The following VCPKMT variants were observed in gnomAD, a reference collection of about 807,000 sequenced individuals.
VCPKMT encodes the protein valosin containing protein lysine methyltransferase.
A neutral mutation model predicts 28.6 loss-of-function variants in VCPKMT; 32 were observed. The ratio of observed to expected loss-of-function variants is 1.12; its 90% CI spans 0.84 to 1.50. VCPKMT has a LOEUF of 1.50. Ranked by LOEUF, VCPKMT falls within the 40% of genes most tolerant of loss-of-function variation. VCPKMT has a pLI of 0.00. For synonymous variants in VCPKMT, 138 were observed against 111.4 expected, an observed-to-expected ratio of 1.24 and a Z score of -1.50; for missense variants, 366 against 285.0, an observed-to-expected ratio of 1.28 and a Z score of -2.05.
Position 50,109,482 on chromosome 14 carries a change from T to C in VCPKMT, c.*217A>G. On this transcript the variant is annotated 3_prime_UTR_variant, in exon 6 of 6. Coordinates refer to ENST00000395860, the MANE Select transcript of VCPKMT (RefSeq NM_024558.3). Reference sequence around the variant, plus strand: ...GAACTTGATGCTGAACTAAGTAACCTAAGCTGGATTCAGGGCCATTGGCAG... The same window carrying C: ...GAACTTGATGCTGAACTAAGTAACCCAAGCTGGATTCAGGGCCATTGGCAG... 1 of 1,280,836 alleles carries C rather than the reference T, an allele frequency of 7.8e-7. No individual in the cohort carries two copies. The highest frequency in any genetic ancestry group is 3.0e-4 in the Middle Eastern group (1 of 3,378). 79.3% of individuals were successfully genotyped at this position (1,280,836 alleles called of 1,614,324 possible). A position where few individuals can be genotyped will look rare whatever the true frequency, so the allele number is the denominator to read the frequency against.
intron 3 of VCPKMT, among the ~76,000 whole-genome samples, chr14:50,114,683 C>A (rs1882979637): frequency 6.6e-6 from 1 of 152,084 alleles, no homozygotes; most frequent in African/African-American, 2.4e-5. Context: ...CCCGCAACAC[C>A]TTACAAAAAA....
At chr14:50,110,497 C>T (rs920435107) in intron 5 of VCPKMT, among the ~76,000 whole-genome samples, 1 of 152,070 alleles carries the variant, frequency 6.6e-6, no homozygotes, top group Non-Finnish European at 1.5e-5. Context: ...GAAATGAAAA[C>T]CACAGTTTAG....
the VCPKMT span, among the ~76,000 whole-genome samples, chr14:50,102,721 TACAA>T: frequency 6.6e-6 from 1 of 152,258 alleles, no homozygotes; most frequent in Non-Finnish European, 1.5e-5. Context: ...CCAGATCTTT[TACAA>T]ACATTTTAAT....
chr14:50,112,442 CCAAGG>C (rs1047941984), intron 5 of VCPKMT, among the ~76,000 whole-genome samples, 168 bp downstream of exon 5: 2 of 142,040 alleles, frequency 1.4e-5, no homozygotes, highest in African/African-American at 5.2e-5. Context: ...GAGCAAAAAC[CCAAGG>C]CAAGATAGAT....
At chr14:50,114,788 TAC>T (rs547210405) in intron 3 of VCPKMT, among the ~76,000 whole-genome samples, 6 of 152,326 alleles carry the variant, frequency 3.9e-5, no homozygotes, top group African/African-American at 1.4e-4. Context: ...AGCTCGAGGT[TAC>T]AGTGAGCTAT....
At chr14:50,109,750 T>C (rs1882515251) in intron 5 of VCPKMT, 37 bp from the exon 6 acceptor site, 1 of 1,583,240 alleles carries the variant, frequency 6.3e-7, no homozygotes, top group Non-Finnish European at 8.6e-7. Flanking sequence ...AAGATTGATT[T>C]ACCACAAACT....
chr14:50,116,299 G>A lies in VCPKMT; in HGVS notation c.254C>T (p.Ala85Val). ...CGCCAGCTCTTACCCGAGGGTAGCA[G>A]CCATGAGCCCCACGGCCCCGGTGCC... Reference protein sequence around the residue: ...GSGTGAVGLMAATLGADVVVT... With the variant: ...GSGTGAVGLMVATLGADVVVT... The change falls in exon 1 of 6, where the codon GCT becomes GTT. Residue 85 changes from alanine (A) to valine (V), a missense_variant. Physicochemically the swap from Ala to Val is moderately conservative, Grantham distance 64 (BLOSUM62 0). Coordinates refer to ENST00000395860, the MANE Select transcript of VCPKMT (RefSeq NM_024558.3). 1 of 1,606,998 alleles carries A rather than the reference G, an allele frequency of 6.2e-7. No individual in the cohort carries two copies. Among genetic ancestry groups the A allele is most frequent in the South Asian group, 1.1e-5 (1 of 90,490 alleles).
In VCPKMT at chr14:50,108,920, T is replaced by C; in HGVS notation, c.*779A>G. 1 of 985,466 alleles carries C rather than the reference T, an allele frequency of 1.0e-6. No individual in the cohort carries two copies. Among genetic ancestry groups the C allele is most frequent in the Non-Finnish European group, 1.2e-6 (1 of 829,932 alleles). The allele number at this position is 985,466 out of a possible 1,614,324, so 61.0% of individuals were successfully genotyped here. Reference sequence around the variant, plus strand: ...TTTTAAGCCAGATTTTCCTGGAACATATACATAAAGTGCATGAGCCACGTA... The same window carrying C: ...TTTTAAGCCAGATTTTCCTGGAACACATACATAAAGTGCATGAGCCACGTA... On this transcript the variant is annotated 3_prime_UTR_variant, in exon 6 of 6. Transcript: ENST00000395860.
intron 3 of VCPKMT, among the ~76,000 whole-genome samples, chr14:50,115,420 G>C (rs1488042090): frequency 6.6e-6 from 1 of 152,046 alleles, no homozygotes; most frequent in East Asian, 1.9e-4. Flanking sequence ...CCAAGTGTTG[G>C]GATTACAGGC....
intron 4 of VCPKMT, 45 bp downstream of exon 4, chr14:50,114,240 C>CA: frequency 6.9e-7 from 1 of 1,449,242 alleles, no homozygotes; most frequent in Non-Finnish European, 9.1e-7. Context: ...TACAGCCCCC[C>CA]TGAAGGGAAA....
chr14:50,111,229 T>C, intron 5 of VCPKMT: 1 of 985,138 alleles, frequency 1.0e-6, no homozygotes, highest in Non-Finnish European at 1.2e-6. Context: ...AAAATCTTTC[T>C]GCCTCCAAAA....
chr14:50,113,801 G>GA (rs1374469908), intron 4 of VCPKMT, among the ~76,000 whole-genome samples: 1 of 91,810 alleles, frequency 1.1e-5, no homozygotes, highest in African/African-American at 4.0e-5. Flanking sequence ...GGGCGGGGGG[G>GA]GGGGGGGGTG....
At chr14:50,106,131 G>A (rs1011758272), downstream of VCPKMT, among the ~76,000 whole-genome samples, 1 of 152,092 alleles carries the variant, frequency 6.6e-6, no homozygotes. Flanking sequence ...CTCAATTTAA[G>A]GCAAACATTA....
At position 50,116,455 on chromosome 14, in the gene VCPKMT, T is replaced by C. The variant is rs1327529889; in HGVS notation, c.98A>G (p.Tyr33Cys). The C allele has an allele frequency of 3.1e-6, 5 of 1,614,062 alleles. No individual in the cohort carries two copies. In the Middle Eastern group the frequency reaches 4.9e-4, roughly 160 times the overall value. The change falls in exon 1 of 6, where the codon TAT becomes TGT. Residue 33 changes from tyrosine (Y) to cysteine (C), a missense_variant. Coordinates refer to ENST00000395860, the MANE Select transcript of VCPKMT (RefSeq NM_024558.3). ...RDGTVLRLQQ[Y>C]SSGGVGCVVW... ...AACGCAACCCACGCCACCGGAGCTA[T>C]ACTGCTGTAGTCGTAGCACTGTACC... is the stretch of plus-strand genomic sequence containing the variant.
At chr14:50,114,806 C>T (rs138752205) in intron 3 of VCPKMT, among the ~76,000 whole-genome samples, 21 of 152,324 alleles carry the variant, frequency 1.4e-4, no homozygotes, top group African/African-American at 3.6e-4. Context: ...GCTATGATCA[C>T]TCCACTGCAC....
chr14:50,110,902 C>G (rs1882605470), intron 5 of VCPKMT, among the ~76,000 whole-genome samples: 1 of 152,122 alleles, frequency 6.6e-6, no homozygotes, highest in Non-Finnish European at 1.5e-5. Flanking sequence ...AAGACAGTCA[C>G]AAGAGGCCAC....
chr14:50,105,348 AGGCCAGGTGCAGT>A (rs1347617463), downstream of VCPKMT, among the ~76,000 whole-genome samples: 1 of 152,214 alleles, frequency 6.6e-6, no homozygotes, highest in Non-Finnish European at 1.5e-5. Context: ...AAAATAACCT[AGGCCAGGTGCAGT>A]GGCTCACGCA....
In VCPKMT at chr14:50,115,909, C is replaced by G. The variant is rs749996807; in HGVS notation, c.380G>C (p.Gly127Ala). The stretch of plus-strand genomic sequence containing the variant: ...AGAAGGAAAGCCTTCTATTTCTTCC[C>G]CCCTTAAAAATGCCAAACAAATATT... ...GSVQAKVLKW[G>A]EEIEGFPSPP... Residue 127 changes from glycine (G) to alanine (A), a missense_variant and splice_region_variant, in exon 3 of 6, where the codon GGG becomes GCG. Gly to Ala is a moderately conservative substitution (Grantham distance 60, BLOSUM62 0). Transcript: ENST00000395860. 2 of 1,613,158 alleles carry G rather than the reference C, an allele frequency of 1.2e-6. No homozygotes were observed.
rs1487350403 is a variant in VCPKMT at position 50,112,633 on chromosome 14, G to A, written c.657C>T (p.Tyr219=). The stretch of plus-strand genomic sequence containing the variant: ...TATTTACCGATTTTTTCTTTCTGAT[G>A]TATATAATATGAATATCTTCACTTC... ...EYRSEDIHII[Y]IRKKKSKFPS is the part of the protein sequence containing the mutation. The change falls in exon 5 of 6, where the codon TAC becomes TAT. Residue 219 remains tyrosine (Y), a synonymous_variant. Transcript: ENST00000395860. 1.3e-6 allele frequency: 2 copies of A among 1,551,634 alleles called. No individual in the cohort carries two copies. Among genetic ancestry groups the A allele is most frequent in the Middle Eastern group, 2.1e-4 (1 of 4,818 alleles).
Sources: gnomAD v4.1 joint callset for allele counts (sites outside exome capture counted in the v4.1 genomes callset) on GRCh38, gnomAD v4.1.1 for gene constraint, MANE v1.5 for transcripts, NCBI Gene and HGNC (gene_info 2026-07-23, HGNC 2026-07-21) for gene names.